The following MPC1 variants were observed in gnomAD, a reference collection of about 807,000 sequenced individuals.
The protein encoded by MPC1 is HSPC040 protein.
Under a neutral mutation model 13.9 loss-of-function variants are expected in MPC1, and 6 were observed. The observed-to-expected ratio is 0.43, with a 90% CI of 0.24 to 0.85. MPC1 has a LOEUF of 0.85. Among genes scored for constraint, MPC1 ranks in the 40% least tolerant of loss-of-function variants. The pLI is 0.24. For synonymous variants in MPC1, 47 were observed against 50.5 expected (o/e 0.93, Z 0.29); for missense variants, 115 against 143.3 (o/e 0.80, Z 1.01).
At position 166,365,449 on chromosome 6, in the gene MPC1, T is replaced by A; in HGVS notation, c.310A>T (p.Thr104Ser). 6.3e-7 allele frequency: 1 copy of A among 1,583,370 alleles called. No homozygotes were observed. The highest frequency in any genetic ancestry group is 8.6e-7 in the Non-Finnish European group (1 of 1,162,912). Residue 104 changes from threonine (T) to serine (S), a missense_variant, in exon 5 of 5, where the codon ACT becomes TCT. Transcript: ENST00000360961. The surrounding 1 kb of genome is among the most constrained non-coding windows in gnomAD (Gnocchi z 4.2). ...QGGRLIKHEM[T>S]KTASA ...CATTGTTATGCAGATGCCGTTTTAG[T>A]CATCCTGGAAAGAAACAAAAAGAAA...
chr6:166,372,754 A>G (rs1779427143), intron 1 of MPC1, among the ~76,000 whole-genome samples: 1 of 151,496 alleles, frequency 6.6e-6, no homozygotes, highest in Non-Finnish European at 1.5e-5. Flanking sequence ...CAAAAAAAAA[A>G]GGGGAGATAA....
At chr6:166,382,426 C>A (rs1779828817) in intron 1 of MPC1, among the ~76,000 whole-genome samples, 1 of 151,068 alleles carries the variant, frequency 6.6e-6, no homozygotes, top group Non-Finnish European at 1.5e-5. Flanking sequence ...CTCAATGTCA[C>A]CCCTGCCTTG....
intron 1 of MPC1, among the ~76,000 whole-genome samples, chr6:166,373,713 G>A (rs1374169480): frequency 2.0e-5 from 3 of 152,194 alleles, no homozygotes; most frequent in Non-Finnish European, 2.9e-5. Flanking sequence ...CACCAGCAAC[G>A]AATGAGAGTT....
At position 166,382,137 on chromosome 6, in the gene MPC1, G is replaced by T. The variant is rs142225518; in HGVS notation, c.71+669C>A. 5.8e-4 allele frequency among the ~76,000 whole-genome samples: 89 copies of T among 152,280 alleles called. 3 individuals are homozygous for T. In the East Asian group the frequency reaches 0.015, roughly 26 times the overall value. On this transcript the variant is annotated intron_variant, in intron 1 of 4. Coordinates refer to ENST00000360961, the MANE Select transcript of MPC1 (RefSeq NM_016098.4). ...CGGAGGAGCGAGCCACTGTCAACTG[G>T]CCCGGAGGGACGTGCCCACTGCCAA...
chr6:166,380,205 A>T (rs981654502), intron 1 of MPC1, among the ~76,000 whole-genome samples: 1 of 152,238 alleles, frequency 6.6e-6, no homozygotes, highest in African/African-American at 2.4e-5. Context: ...ATATAATAAA[A>T]TGTAGAGTGA....
At chr6:166,379,005 T>C (rs982747455) in intron 1 of MPC1, among the ~76,000 whole-genome samples, 2 of 152,170 alleles carry the variant, frequency 1.3e-5, no homozygotes, top group Non-Finnish European at 2.9e-5. Context: ...CAATTAACAA[T>C]TGTCAATAAT....
chr6:166,365,539 C>A lies in MPC1; in HGVS notation c.306-86G>T. The A allele has an allele frequency of 9.6e-7, 1 of 1,038,800 alleles. No homozygotes were observed. The allele number at this position is 1,038,800 out of a possible 1,614,324, so 64.3% of individuals were successfully genotyped here. A position where few individuals can be genotyped will look rare whatever the true frequency, so the allele number is the denominator to read the frequency against. On this transcript the variant is annotated intron_variant, in intron 4 of 4. Transcript: ENST00000360961. The surrounding 1 kb of genome is among the most constrained non-coding windows in gnomAD (Gnocchi z 4.2). Reference sequence around the variant, plus strand: ...GCTTTGGATGGCTTTTAAAAGACACCTTTACATAACATTTATTTCAACTTA... The same window carrying A: ...GCTTTGGATGGCTTTTAAAAGACACATTTACATAACATTTATTTCAACTTA...
At chr6:166,366,345 C>G (rs184780279) in intron 3 of MPC1, among the ~76,000 whole-genome samples, 67 of 152,304 alleles carry the variant, frequency 4.4e-4, no homozygotes, top group African/African-American at 1.4e-3. Context: ...TATTTCCGAG[C>G]AAGAGTAGGC....
chr6:166,379,913 C>A (rs928244202), intron 1 of MPC1, among the ~76,000 whole-genome samples: 3 of 152,192 alleles, frequency 2.0e-5, no homozygotes, highest in Non-Finnish European at 2.9e-5. Flanking sequence ...AGAAATGTTT[C>A]TCTTTCTAGG....
intron 2 of MPC1, chr6:166,369,570 C>T (rs1382804103): frequency 6.1e-6 from 1 of 162,640 alleles, no homozygotes; most frequent in African/African-American, 2.4e-5. Context: ...ATCATTTTAA[C>T]ACTAGTTTAC....
chr6:166,373,818 G>A (rs1779471460), intron 1 of MPC1, among the ~76,000 whole-genome samples: 1 of 152,126 alleles, frequency 6.6e-6, no homozygotes, highest in Admixed American at 6.5e-5. Context: ...GTTTTAATTT[G>A]CATTTCCCTG....
intron 1 of MPC1, among the ~76,000 whole-genome samples, chr6:166,378,418 A>ATGTGTGTGTGTGTG (rs3049292): frequency 6.7e-6 from 1 of 149,866 alleles, no homozygotes; most frequent in African/African-American, 2.5e-5. Context: ...ATACAAATAC[A>ATGTGTGTGTGTGTG]TGTGTGTGTG....
chr6:166,381,290 A>G (rs375070733), intron 1 of MPC1, among the ~76,000 whole-genome samples: 1 of 152,238 alleles, frequency 6.6e-6, no homozygotes, highest in South Asian at 2.1e-4. Context: ...TTTGAAAGTC[A>G]GAAGTGAAGC....
chr6:166,368,605 T>A, intron 2 of MPC1: 1 of 184,566 alleles, frequency 5.4e-6, no homozygotes, highest in Non-Finnish European at 1.0e-5. Flanking sequence ...AGAAGTACAC[T>A]CCTGCAGAAT....
intron 2 of MPC1, 104 bp downstream of exon 2, chr6:166,370,114 C>T (rs755858804): frequency 7.8e-6 from 6 of 774,160 alleles, no homozygotes; most frequent in East Asian, 7.3e-5. Context: ...GCCATGGCGG[C>T]TAGAAAGGCT....
intron 1 of MPC1, among the ~76,000 whole-genome samples, chr6:166,371,145 G>T (rs1779365947): frequency 6.6e-6 from 1 of 152,140 alleles, no homozygotes; most frequent in African/African-American, 2.4e-5. Context: ...AAGTTGGAGA[G>T]ATGCATACTG....
intron 1 of MPC1, among the ~76,000 whole-genome samples, chr6:166,379,955 CAG>C (rs1169229917): frequency 3.9e-5 from 6 of 152,178 alleles, no homozygotes; most frequent in Non-Finnish European, 8.8e-5. Context: ...AGCTTCTGGT[CAG>C]AGTGTTGATA....
At position 166,365,351 on chromosome 6, in the gene MPC1, C is replaced by G; in HGVS notation, c.*78G>C. 2 of 1,240,146 alleles carry G rather than the reference C, an allele frequency of 1.6e-6. No individual in the cohort carries two copies. Among genetic ancestry groups the G allele is most frequent in the Non-Finnish European group, 2.2e-6 (2 of 925,206 alleles). The allele number at this position is 1,240,146 out of a possible 1,614,324, so 76.8% of individuals were successfully genotyped here. On this transcript the variant is annotated 3_prime_UTR_variant, in exon 5 of 5. Coordinates refer to ENST00000360961, the MANE Select transcript of MPC1 (RefSeq NM_016098.4). The surrounding 1 kb of genome is among the most constrained non-coding windows in gnomAD (Gnocchi z 4.2). Reference sequence around the variant, plus strand: ...ATTCAGTGTATTTTCCTTAGGGAGGCTATTTATAATGAAATCTGTGACTCA... The same window carrying G: ...ATTCAGTGTATTTTCCTTAGGGAGGGTATTTATAATGAAATCTGTGACTCA...
At chr6:166,370,261 C>A (rs753184536) in intron 1 of MPC1, 40 bp from the exon 2 acceptor site, 13 of 729,802 alleles carry the variant, frequency 1.8e-5, no homozygotes, top group Non-Finnish European at 3.0e-5. Flanking sequence ...ACAGGACAGA[C>A]ATGGAAAAAA....
Sources: gnomAD v4.1 joint callset for allele counts (sites outside exome capture counted in the v4.1 genomes callset) on GRCh38, gnomAD v4.1.1 for gene constraint, Gnocchi (gnomAD v3.1) non-coding constraint, MANE v1.5 for transcripts, NCBI Gene and HGNC (gene_info 2026-07-23, HGNC 2026-07-21) for gene names.